BNC2: variants seen among roughly 807,000 people sequenced by gnomAD.
BNC2 encodes zinc finger protein basonuclin-2.
Under a neutral mutation model 76.3 loss-of-function variants are expected in BNC2, and 20 were observed. That is an observed-to-expected ratio of 0.26 (90% confidence interval 0.18 to 0.38). The LOEUF (loss-of-function observed/expected upper bound fraction) is 0.38, where lower values mean the gene tolerates loss of function less well. Among genes scored for constraint, BNC2 ranks in the 10% least tolerant of loss-of-function variants. BNC2 has a pLI of 1.00. For synonymous variants in BNC2, 582 were observed against 514.8 expected (o/e 1.13, Z -1.77); for missense variants, 1,382 against 1,399.8 (o/e 0.99, Z 0.20).
chr9:16,804,059 G>C (rs940332716), intron 1 of BNC2, among the ~76,000 whole-genome samples: 1 of 152,168 alleles, frequency 6.6e-6, no homozygotes, highest in African/African-American at 2.4e-5. Context: ...ACTCTTTCAG[G>C]CTTCTGCCTG....
intron 3 of BNC2, among the ~76,000 whole-genome samples, chr9:16,704,493 T>A (rs1041697847): frequency 1.3e-5 from 2 of 151,972 alleles, no homozygotes; most frequent in South Asian, 2.1e-4. Flanking sequence ...AACTCCTGAT[T>A]TTAAATCACA....
rs1821018560 is a variant in BNC2, at chr9:16,436,482, G to A, written c.1712C>T (p.Pro571Leu). ...TGGAGTGAGTAAACTTCTATAAAAT[G>A]GAGGAACTGGTTGTACAGTCTTTAG... is the stretch of plus-strand genomic sequence containing the variant. ...SGLKTVQPVP[P>L]FYRSLLTPGE... Residue 571 changes from proline to leucine, a missense_variant, in exon 6 of 7, where the codon CCA becomes CTA. Transcript: ENST00000380672. 5 of 1,614,070 alleles carry A rather than the reference G, an allele frequency of 3.1e-6. No individual in the cohort carries two copies. Among genetic ancestry groups the A allele is most frequent in the Non-Finnish European group, 3.4e-6 (4 of 1,180,018 alleles).
chr9:16,776,910 G>A (rs1178624384), intron 1 of BNC2, among the ~76,000 whole-genome samples: 1 of 152,086 alleles, frequency 6.6e-6, no homozygotes, highest in East Asian at 1.9e-4. Context: ...CGGATCACCT[G>A]AGGTCAGGAG....
chr9:16,462,415 G>A (rs138840612), intron 5 of BNC2, among the ~76,000 whole-genome samples: 1 of 152,208 alleles, frequency 6.6e-6, no homozygotes, highest in South Asian at 2.1e-4. Flanking sequence ...TCCAAAGCTT[G>A]AATTAAATGT....
chr9:16,495,698 G>A (rs1412938332), intron 5 of BNC2, among the ~76,000 whole-genome samples: 1 of 152,282 alleles, frequency 6.6e-6, no homozygotes, highest in Non-Finnish European at 1.5e-5. Context: ...CTCAACATGA[G>A]CTTGCTAGGG....
intron 5 of BNC2, among the ~76,000 whole-genome samples, chr9:16,497,978 GGTGTGTGTGTGTGTGTGT>G (rs34523754): frequency 0.08 from 10,818 of 134,832 alleles, 1,188 homozygotes; most frequent in African/African-American, 0.24. Context: ...AAGAAACTGT[GGTGTGTGTGTGTGTGTGT>G]GTGTGTGTGT....
In BNC2 at chr9:16,553,658, T is replaced by C. The variant is rs555805595; in HGVS notation, c.434-893A>G. ...TGACCATTCTCAGAGTAAACACTTTTAATAAAATGAAAAGTTCAACAATTG... is the reference window on the plus strand; with the variant it reads ...TGACCATTCTCAGAGTAAACACTTTCAATAAAATGAAAAGTTCAACAATTG... On this transcript the variant is annotated intron_variant, in intron 4 of 6. Transcript: ENST00000380672. 2.6e-5 allele frequency among the ~76,000 whole-genome samples: 4 copies of C among 152,186 alleles called. No individual in the cohort carries two copies. The South Asian group carries it at 8.3e-4, about 32-fold the overall frequency.
At chr9:16,517,433 A>G (rs1327239899) in intron 5 of BNC2, among the ~76,000 whole-genome samples, 2 of 152,230 alleles carry the variant, frequency 1.3e-5, no homozygotes, top group Non-Finnish European at 2.9e-5. Flanking sequence ...CATTAAATAA[A>G]TAAAGCTCTA....
In BNC2 at chr9:16,733,956, T is replaced by C. The variant is rs559197718; in HGVS notation, c.129+4404A>G. Among the ~76,000 whole-genome samples, 19 of 152,272 alleles carry C rather than the reference T, an allele frequency of 1.2e-4. No individual in the cohort carries two copies. The East Asian group carries it at 3.7e-3, about 29-fold the overall frequency. ...CTCTCCCACTGGCTCCTAATTTCCT[T>C]TCATTACATCCTTATGAGAGATGAA... On this transcript the variant is annotated intron_variant, in intron 2 of 6. Coordinates refer to ENST00000380672, the MANE Select transcript of BNC2 (RefSeq NM_017637.6).
intron 1 of BNC2, among the ~76,000 whole-genome samples, chr9:16,740,836 T>G (rs1824826599): frequency 6.6e-6 from 1 of 151,524 alleles, no homozygotes; most frequent in Non-Finnish European, 1.5e-5. Context: ...ATGAAAAGGG[T>G]GCCCCTGGAG....
At chr9:16,865,756 A>T (rs924654698) in intron 1 of BNC2, among the ~76,000 whole-genome samples, 4 of 152,346 alleles carry the variant, frequency 2.6e-5, no homozygotes, top group Admixed American at 6.5e-5. Context: ...GCAAAAACTT[A>T]AAGAATGATA....
At chr9:16,661,465 A>T (rs911248137) in intron 3 of BNC2, among the ~76,000 whole-genome samples, 1 of 148,520 alleles carries the variant, frequency 6.7e-6, no homozygotes, top group Non-Finnish European at 1.5e-5. Flanking sequence ...TTCCCCAGAG[A>T]TGAAAACAAA....
At chr9:16,484,109 T>G (rs913352448) in intron 5 of BNC2, among the ~76,000 whole-genome samples, 9 of 152,178 alleles carry the variant, frequency 5.9e-5, no homozygotes, top group Non-Finnish European at 1.0e-4. Flanking sequence ...TCATGTCCCC[T>G]CCAAACTCAG....
At position 16,711,139 on chromosome 9, in the gene BNC2, T is replaced by A. The variant is rs572233065; in HGVS notation, c.330+16658A>T. ...GTCTTTCTCCTATACCAGTGACAGC[T>A]GTGTGGCAAGGGGAAGAAAGAAAGA... On this transcript the variant is annotated intron_variant, in intron 3 of 6. Coordinates refer to ENST00000380672, the MANE Select transcript of BNC2 (RefSeq NM_017637.6). Among the ~76,000 whole-genome samples the A allele has an allele frequency of 2.6e-5, 4 of 152,216 alleles. No individual in the cohort carries two copies. The South Asian group carries it at 8.3e-4, about 32-fold the overall frequency.
intron 1 of BNC2, among the ~76,000 whole-genome samples, chr9:16,746,947 G>C (rs1825027039): frequency 7.3e-6 from 1 of 137,748 alleles, no homozygotes; most frequent in Non-Finnish European, 1.6e-5. Flanking sequence ...GGGTGACAGA[G>C]CAAGACTCCA....
chr9:16,492,559 A>G (rs1008289260), intron 5 of BNC2, among the ~76,000 whole-genome samples: 4 of 152,166 alleles, frequency 2.6e-5, no homozygotes, highest in African/African-American at 9.7e-5. Flanking sequence ...TCTGAGAATT[A>G]ACTTTAATAT....
At chr9:16,467,846 T>TA (rs35957070) in intron 5 of BNC2, among the ~76,000 whole-genome samples, 9,689 of 141,394 alleles carry the variant, frequency 0.069, 933 homozygotes, top group African/African-American at 0.22. Flanking sequence ...AAAAAAAAAT[T>TA]AAAAAAAAAA....
intron 3 of BNC2, among the ~76,000 whole-genome samples, chr9:16,626,736 C>T (rs1240705701): frequency 2.0e-5 from 3 of 151,842 alleles, no homozygotes; most frequent in African/African-American, 7.3e-5. Context: ...TTTTTCCTTC[C>T]GTAATCAGGC....
At chr9:16,614,862 G>T (rs920593646) in intron 3 of BNC2, among the ~76,000 whole-genome samples, 1 of 151,384 alleles carries the variant, frequency 6.6e-6, no homozygotes, top group African/African-American at 2.4e-5. Context: ...AAGTCGAGGT[G>T]GAAAGATTAC....
Sources: gnomAD v4.1 joint callset for allele counts (sites outside exome capture counted in the v4.1 genomes callset) on GRCh38, gnomAD v4.1.1 for gene constraint, MANE v1.5 for transcripts, NCBI Gene and HGNC (gene_info 2026-07-23, HGNC 2026-07-21) for gene names.